The following NKAIN3 variants were observed in gnomAD, a reference collection of about 807,000 sequenced individuals.
The protein encoded by NKAIN3 is sodium/potassium transporting ATPase interacting 3.
A neutral mutation model predicts 30.2 loss-of-function variants in NKAIN3; 25 were observed. The ratio of observed to expected loss-of-function variants is 0.83; its 90% CI spans 0.60 to 1.16. The LOEUF (loss-of-function observed/expected upper bound fraction) is 1.16. Among genes scored for constraint, NKAIN3 ranks in the 50% most tolerant of loss-of-function variants. The pLI is 0.00. For missense variants in NKAIN3, 225 were observed against 254.1 expected (o/e 0.89, Z 0.78); for synonymous variants, 91 against 89.6 (o/e 1.02, Z -0.09).
intron 4 of NKAIN3, among the ~76,000 whole-genome samples, chr8:62,858,361 T>C (rs1313786993): frequency 6.6e-6 from 1 of 152,072 alleles, no homozygotes; most frequent in Non-Finnish European, 1.5e-5. Flanking sequence ...AAAGAAGCAG[T>C]CTGGCTGCTT....
intron 1 of NKAIN3, among the ~76,000 whole-genome samples, chr8:62,399,514 A>AAG (rs369784532): frequency 1.1e-3 from 174 of 151,864 alleles, no homozygotes; most frequent in African/African-American, 2.9e-3. Context: ...CAAAAGAAAA[A>AAG]AGAGAGAGAG....
Position 62,499,862 on chromosome 8 carries a change from T to C in NKAIN3, c.55-79677T>C, listed in dbSNP as rs569127842. On this transcript the variant is annotated intron_variant, in intron 1 of 6. Transcript: ENST00000623646. ...TCCTTCTTTCCTTCTTCTCTCTTTC[T>C]TTTTTTTTCTTTTTGTGTCCTTGTC... Among the ~76,000 whole-genome samples, 211 of 151,630 alleles carry C rather than the reference T, an allele frequency of 1.4e-3. 1 individual carries two copies. The highest frequency in any genetic ancestry group is 5.0e-3 in the African/African-American group (205 of 41,288).
intron 4 of NKAIN3, among the ~76,000 whole-genome samples, chr8:62,778,143 T>C (rs1470180032): frequency 6.6e-6 from 1 of 152,008 alleles, no homozygotes; most frequent in Non-Finnish European, 1.5e-5. Flanking sequence ...CTGTGCTGGA[T>C]CAAACCTGAA....
At chr8:62,867,049 C>T (rs1820444682) in intron 4 of NKAIN3, among the ~76,000 whole-genome samples, 1 of 122,944 alleles carries the variant, frequency 8.1e-6, no homozygotes, top group South Asian at 2.5e-4. Context: ...AGCGAGACTC[C>T]GTCTTAAAAA....
chr8:62,791,145 A>T (rs573882148), intron 4 of NKAIN3, among the ~76,000 whole-genome samples: 3 of 152,198 alleles, frequency 2.0e-5, no homozygotes, highest in Admixed American at 1.3e-4. Context: ...GGCAACCTAG[A>T]TTCAAAGGAT....
intron 4 of NKAIN3, among the ~76,000 whole-genome samples, chr8:62,909,533 C>A (rs946856788): frequency 5.9e-5 from 9 of 152,040 alleles, no homozygotes; most frequent in Non-Finnish European, 1.2e-4. Context: ...TTTTCCATTT[C>A]TTGTAGACAA....
At chr8:62,948,130 A>T (rs1272844851) in intron 5 of NKAIN3, among the ~76,000 whole-genome samples, 1 of 152,068 alleles carries the variant, frequency 6.6e-6, no homozygotes, top group Admixed American at 6.6e-5. Flanking sequence ...GATCTGCCTG[A>T]TACATAAAAT....
intron 3 of NKAIN3, among the ~76,000 whole-genome samples, chr8:62,670,438 TC>T (rs1328205345): frequency 6.6e-6 from 1 of 152,154 alleles, no homozygotes; most frequent in East Asian, 1.9e-4. Context: ...ACTTTACACT[TC>T]CGACACAACG....
At chr8:62,347,521 G>A (rs1378277044) in intron 1 of NKAIN3, among the ~76,000 whole-genome samples, 1 of 151,974 alleles carries the variant, frequency 6.6e-6, no homozygotes, top group Non-Finnish European at 1.5e-5. Context: ...CCTTAAGGAA[G>A]ATCAAAAAGT....
chr8:62,960,210 A>G lies in NKAIN3; in HGVS notation c.604-5144A>G, dbSNP rs560130621. On this transcript the variant is annotated intron_variant, in intron 6 of 6. Transcript: ENST00000623646. ...AATGATGCCAAGAGTGCAACTGGCA[A>G]CATGCAAGAGGGTTTGCTGTGACCA... Among the ~76,000 whole-genome samples, 30 of 152,318 alleles carry G rather than the reference A, an allele frequency of 2.0e-4. 1 individual carries two copies. The South Asian group carries it at 5.8e-3, about 29-fold the overall frequency.
rs983138086 is a variant in NKAIN3 at position 62,966,186 on chromosome 8, T to C, written c.*779T>C. 1 of 985,218 alleles carries C rather than the reference T, an allele frequency of 1.0e-6. No homozygotes were observed. The highest frequency in any genetic ancestry group is 1.2e-6 in the Non-Finnish European group (1 of 829,792). The allele number at this position is 985,218 out of a possible 1,614,324, so 61.0% of individuals were successfully genotyped here. Reference sequence around the variant, plus strand: ...CTGTCAGACCTAAACATACAGCTCATGGGCTTGTGGGACAGAAATCACAAA... The same window carrying C: ...CTGTCAGACCTAAACATACAGCTCACGGGCTTGTGGGACAGAAATCACAAA... On this transcript the variant is annotated 3_prime_UTR_variant, in exon 7 of 7. Transcript: ENST00000623646.
Position 62,313,705 on chromosome 8 carries a change from G to C in NKAIN3, c.54+64578G>C, listed in dbSNP as rs186255737. Among the ~76,000 whole-genome samples, 233 of 152,208 alleles carry C rather than the reference G, an allele frequency of 1.5e-3. 1 individual carries two copies. The highest frequency in any genetic ancestry group is 5.1e-3 in the African/African-American group (211 of 41,538). ...AAATATTTCACTTACAGTTCCAAAA[G>C]ACATATAAGAGTCCTTTCAAAAACT... On this transcript the variant is annotated intron_variant, in intron 1 of 6. Transcript: ENST00000623646.
intron 5 of NKAIN3, among the ~76,000 whole-genome samples, chr8:62,994,623 A>G (rs1483271269): frequency 2.6e-5 from 4 of 152,222 alleles, no homozygotes; most frequent in African/African-American, 9.7e-5. Context: ...AAGGCTACTG[A>G]GAGCAGAGTT....
chr8:62,747,173 T>G, intron 4 of NKAIN3, 44 bp downstream of exon 4: 1 of 1,340,150 alleles, frequency 7.5e-7, no homozygotes, highest in Non-Finnish European at 1.1e-6. Context: ...AACTCTTCTT[T>G]GCTGGCATTT....
At chr8:62,923,798 G>A (rs920985303) in intron 5 of NKAIN3, among the ~76,000 whole-genome samples, 1 of 152,152 alleles carries the variant, frequency 6.6e-6, no homozygotes, top group African/African-American at 2.4e-5. Context: ...CCCACACAGA[G>A]GAAGTTCAGG....
chr8:62,703,570 T>C (rs1586107304), intron 3 of NKAIN3, among the ~76,000 whole-genome samples: 1 of 152,218 alleles, frequency 6.6e-6, no homozygotes, highest in East Asian at 1.9e-4. Context: ...CTAAAATCTT[T>C]TGCGGTAATG....
intron 1 of NKAIN3, among the ~76,000 whole-genome samples, chr8:62,392,289 T>G (rs1006167165): frequency 3.3e-5 from 5 of 152,046 alleles, no homozygotes; most frequent in African/African-American, 7.2e-5. Flanking sequence ...GGAAATATAT[T>G]TATTATATCA....
At chr8:62,399,774 G>T (rs562526975) in intron 1 of NKAIN3, among the ~76,000 whole-genome samples, 1 of 152,284 alleles carries the variant, frequency 6.6e-6, no homozygotes, top group East Asian at 1.9e-4. Flanking sequence ...AGAAAAGCCA[G>T]CTTTCAGTAA....
intron 4 of NKAIN3, among the ~76,000 whole-genome samples, chr8:62,789,902 A>G (rs1817646747): frequency 6.6e-6 from 1 of 152,140 alleles, no homozygotes; most frequent in Non-Finnish European, 1.5e-5. Flanking sequence ...AACTGGTACC[A>G]TTTCTTCTGA....
Sources: gnomAD v4.1 joint callset for allele counts (sites outside exome capture counted in the v4.1 genomes callset) on GRCh38, gnomAD v4.1.1 for gene constraint, MANE v1.5 for transcripts, NCBI Gene and HGNC (gene_info 2026-07-23, HGNC 2026-07-21) for gene names.